The following YIF1A variants were observed in gnomAD, a reference collection of about 807,000 sequenced individuals.
YIF1A encodes protein YIF1A.
YIF1A carries 28 observed loss-of-function variants against 32.6 expected under a neutral mutation model. That is an observed-to-expected ratio of 0.86 (90% CI 0.64 to 1.18). YIF1A has a LOEUF of 1.18. Among genes scored for constraint, YIF1A ranks in the 50% most tolerant of loss-of-function variants. The pLI, the probability that YIF1A is intolerant of heterozygous loss-of-function variation, is 0.00. For synonymous variants in YIF1A, 175 were observed against 162.2 expected (o/e 1.08, Z -0.60); for missense variants, 373 against 390.8 (o/e 0.95, Z 0.38).
rs542910857 is a variant in YIF1A, at chr11:66,288,539, G to A, written c.32-247C>T. ...CGCCTAGAACTGGTTGCCCACTTGG[G>A]GTTTCTGAAGGCCTCTCACTGGAAG... On this transcript the variant is annotated intron_variant, in intron 1 of 7. Transcript: ENST00000376901. Among the ~76,000 whole-genome samples the A allele has an allele frequency of 1.6e-4, 25 of 152,366 alleles. 1 individual carries two copies. In the South Asian group the frequency reaches 4.1e-3, roughly 25 times the overall value.
rs759439307 is a variant in YIF1A at position 66,284,719 on chromosome 11, C to A, written c.800G>T (p.Arg267Leu). 1 of 1,612,552 alleles carries A rather than the reference C, an allele frequency of 6.2e-7. No individual in the cohort carries two copies. Among genetic ancestry groups the A allele is most frequent in the South Asian group, 1.1e-5 (1 of 91,084 alleles). ...TCCCAGAGTCAGGTAGAGCTGGAGA[C>A]GCTGCCGGGGGACGGGGCCCCCCAT... ...DSMGGPVPRQ[R>L]LQLYLTLGAA... Residue 267 changes from arginine to leucine, a missense_variant, in exon 8 of 8, where the codon CGT (arginine) becomes CTT (leucine). By Grantham distance (102) the Arg-to-Leu change is moderately radical. Coordinates refer to ENST00000376901, the MANE Select transcript of YIF1A (RefSeq NM_020470.3).
In YIF1A at chr11:66,289,021, G is replaced by A. The variant is rs781771607; in HGVS notation, c.-36C>T. ...CTCGCTGTCCCCGAGGGCCCGCTGCGCCGCCTCGTGGGTACGAATACTAAT... is the reference window on the plus strand; with the variant it reads ...CTCGCTGTCCCCGAGGGCCCGCTGCACCGCCTCGTGGGTACGAATACTAAT... On this transcript the variant is annotated 5_prime_UTR_variant, in exon 1 of 8. Coordinates refer to ENST00000376901, the MANE Select transcript of YIF1A (RefSeq NM_020470.3). The A allele has an allele frequency of 1.1e-5, 18 of 1,570,090 alleles. No homozygotes were observed. The South Asian group carries it at 1.5e-4, about 13-fold the overall frequency.
chr11:66,288,063 C>T lies in YIF1A; in HGVS notation c.243+18G>A. The T allele has an allele frequency of 6.2e-7, 1 of 1,611,840 alleles. No individual in the cohort carries two copies. Among genetic ancestry groups the T allele is most frequent in the Non-Finnish European group, 8.5e-7 (1 of 1,179,246 alleles). ...TAGCCAAAAATTCTGCCACCCGTGC[C>T]CCGGGGGCAGGCCACACCTCCTTGT... On this transcript the variant is annotated intron_variant, in intron 2 of 7. Coordinates refer to ENST00000376901, the MANE Select transcript of YIF1A (RefSeq NM_020470.3).
At chr11:66,285,827 G>A in intron 4 of YIF1A, 69 bp from the exon 5 acceptor site, 1 of 1,550,560 alleles carries the variant, frequency 6.4e-7, no homozygotes, top group South Asian at 1.1e-5. Context: ...AGGCATTCGG[G>A]TTCACCGACA....
At chr11:66,284,997 C>A in intron 6 of YIF1A, 31 bp from the exon 7 acceptor site, 5 of 1,610,046 alleles carry the variant, frequency 3.1e-6, no homozygotes, top group East Asian at 2.2e-5. Flanking sequence ...GGGTTGGTGA[C>A]CCCCAGGGGT....
At position 66,289,047 on chromosome 11, in the gene YIF1A, G is replaced by A. The variant is rs1857413282; in HGVS notation, c.-62C>T. 14 of 1,537,116 alleles carry A rather than the reference G, an allele frequency of 9.1e-6. No individual in the cohort carries two copies. Among genetic ancestry groups the A allele is most frequent in the South Asian group, 7.2e-5 (6 of 83,284 alleles). ...CCGCCTCGTGGGTACGAATACTAAT[G>A]AGGCAGCTGCTCCGCGCCCAGGGTA... On this transcript the variant is annotated 5_prime_UTR_variant, in exon 1 of 8. Coordinates refer to ENST00000376901, the MANE Select transcript of YIF1A (RefSeq NM_020470.3).
At position 66,289,129 on chromosome 11, in the gene YIF1A, C is replaced by T. The variant is rs971136694; in HGVS notation, c.-144G>A. The T allele has an allele frequency of 7.9e-7, 1 of 1,261,812 alleles. No homozygotes were observed. The highest frequency in any genetic ancestry group is 1.0e-6 in the Non-Finnish European group (1 of 967,306). The allele number at this position is 1,261,812 out of a possible 1,614,324, so 78.2% of individuals were successfully genotyped here. A position where few individuals can be genotyped will look rare whatever the true frequency, so the allele number is the denominator to read the frequency against. The stretch of plus-strand genomic sequence containing the variant: ...CCCCCACCCCGCCGGTCTCGGCCAC[C>T]ATGTCCGTGGCGTCATCCCCCGCGC... On this transcript the variant is annotated 5_prime_UTR_variant, in exon 1 of 8. An upstream start codon of the reference 5' UTR is lost. Coordinates refer to ENST00000376901, the MANE Select transcript of YIF1A (RefSeq NM_020470.3).
chr11:66,287,663 T>C lies in YIF1A; in HGVS notation c.362A>G (p.Gln121Arg), dbSNP rs772319662. ...GGGCAGAGGAGCATCACGACTGTAC[T>C]GCACTTCCCAGTTCTGGCAGTGGCA... ...FPYTHQNWEV[Q>R]YSRDAPLPPR... The change falls in exon 4 of 8, where the codon CAG becomes CGG. Residue 121 changes from glutamine to arginine, a missense_variant. Physicochemically the swap from Gln to Arg is conservative, Grantham distance 43 (BLOSUM62 1). Transcript: ENST00000376901. 9.3e-6 allele frequency: 15 copies of C among 1,611,264 alleles called. No individual in the cohort carries two copies. The East Asian group carries it at 1.6e-4, about 17-fold the overall frequency.
At chr11:66,288,852 C>T (rs942984723) in intron 1 of YIF1A, 103 bp downstream of exon 1, 2 of 1,313,124 alleles carry the variant, frequency 1.5e-6, no homozygotes, top group Middle Eastern at 2.7e-4. Context: ...GACACCCCCG[C>T]CCTGGGCGGC....
chr11:66,288,177 G>A lies in YIF1A; in HGVS notation c.147C>T (p.Phe49=). The change falls in exon 2 of 8, where the codon TTC becomes TTT. Residue 49 remains phenylalanine, a synonymous_variant. Coordinates refer to ENST00000376901, the MANE Select transcript of YIF1A (RefSeq NM_020470.3). ...GYPATGADVA[F]SVNHLLGDPM... ...GGTCCCCAAGCAAGTGGTTGACACTGAAGGCCACGTCTGCTCCTGTGGCTG... is the reference window on the plus strand; with the variant it reads ...GGTCCCCAAGCAAGTGGTTGACACTAAAGGCCACGTCTGCTCCTGTGGCTG... 1.9e-6 allele frequency: 3 copies of A among 1,614,172 alleles called. No individual in the cohort carries two copies. The highest frequency in any genetic ancestry group is 2.5e-6 in the Non-Finnish European group (3 of 1,180,044).
In YIF1A at chr11:66,285,617, G is replaced by T. The variant is rs766638690; in HGVS notation, c.486-81C>A. 36 of 1,609,984 alleles carry T rather than the reference G, an allele frequency of 2.2e-5. No individual in the cohort carries two copies. The East Asian group carries it at 6.5e-4, about 29-fold the overall frequency. Reference sequence around the variant, plus strand: ...GAGAGACTGGGGCAACAGAGGGTGAGCTGGGGACCACCACATATGCCCTAG... The same window carrying T: ...GAGAGACTGGGGCAACAGAGGGTGATCTGGGGACCACCACATATGCCCTAG... On this transcript the variant is annotated intron_variant, in intron 5 of 7. Coordinates refer to ENST00000376901, the MANE Select transcript of YIF1A (RefSeq NM_020470.3).
At chr11:66,287,570 C>T (rs764994591) in intron 4 of YIF1A, 28 bp downstream of exon 4, 5 of 1,598,220 alleles carry the variant, frequency 3.1e-6, no homozygotes, top group Middle Eastern at 1.7e-4. Flanking sequence ...CACCCCACCA[C>T]GTTCCCCAGC....
Position 66,287,839 on chromosome 11 carries a change from C to T in YIF1A, c.321G>A (p.Gly107=). The T allele has an allele frequency of 1.2e-6, 2 of 1,614,050 alleles. No individual in the cohort carries two copies. Among genetic ancestry groups the T allele is most frequent in the Non-Finnish European group, 1.7e-6 (2 of 1,180,006 alleles). The change falls in exon 3 of 8, where the codon GGG becomes GGA. Residue 107 remains glycine (G), a synonymous_variant. Transcript: ENST00000376901. ...GGTGTGTGTAGGGGAAGACCAGCAG[C>T]CCTAGCTTCTTGGCCACGTAGGCTG... ...VDTAYVAKKL[G]LLVFPYTHQN...
At position 66,288,216 on chromosome 11, in the gene YIF1A, C is replaced by A; in HGVS notation, c.108G>T (p.Gln36His). 2 of 1,614,116 alleles carry A rather than the reference C, an allele frequency of 1.2e-6. No homozygotes were observed. The change falls in exon 2 of 8, where the codon CAG becomes CAT. Residue 36 changes from glutamine to histidine, a missense_variant. Coordinates refer to ENST00000376901, the MANE Select transcript of YIF1A (RefSeq NM_020470.3). Reference sequence around the variant, plus strand: ...CTCCTGTGGCTGGGTATCCCCCGGGCTGGCTGGAATAACCACCGCTTGTGT... The same window carrying A: ...CTCCTGTGGCTGGGTATCCCCCGGGATGGCTGGAATAACCACCGCTTGTGT... Reference protein sequence around the residue: ...FDDTSGGYSSQPGGYPATGAD... With the variant: ...FDDTSGGYSSHPGGYPATGAD...
In YIF1A at chr11:66,284,909, C is replaced by T. The variant is rs764656087; in HGVS notation, c.699G>A (p.Ala233=). 17 of 1,613,184 alleles carry T rather than the reference C, an allele frequency of 1.1e-5. No homozygotes were observed. The highest frequency in any genetic ancestry group is 1.0e-4 in the Admixed American group (6 of 59,980). Residue 233 remains alanine (A), a synonymous_variant, in exon 7 of 8, where the codon GCG becomes GCA. Transcript: ENST00000376901. ...LLFGSDGYYV[A]LAWTSSALMY... is the part of the protein sequence containing the mutation. The stretch of plus-strand genomic sequence containing the variant: ...TGAGCGCCGATGAGGTCCAGGCCAG[C>T]GCCACGTAGTAGCCATCGCTGCCGA...
At chr11:66,286,628 AAAG>A (rs940596093) in intron 4 of YIF1A, among the ~76,000 whole-genome samples, 22 of 152,218 alleles carry the variant, frequency 1.4e-4, no homozygotes, top group Non-Finnish European at 7.3e-5. Flanking sequence ...CCCTGTCTCA[AAAG>A]AAGAAGAAAA....
chr11:66,285,031 C>A, intron 6 of YIF1A, 65 bp from the exon 7 acceptor site: 1 of 1,540,230 alleles, frequency 6.5e-7, no homozygotes. Context: ...TGGCCCTACC[C>A]CCAACGCCCA....
chr11:66,285,435 C>A lies in YIF1A; in HGVS notation c.587G>T (p.Arg196Leu). The change falls in exon 6 of 8, where the codon CGC becomes CTC. Residue 196 changes from arginine to leucine, a missense_variant. Transcript: ENST00000376901. ...CAGGTGAAAGGTGCTCAGGTCACTG[C>A]GCACGGTGGCCAGGTAGAGGCCCAG... The part of the protein sequence containing the change: ...LLLGLYLATV[R>L]SDLSTFHLLA... 6.2e-7 allele frequency: 1 copy of A among 1,613,382 alleles called. No homozygotes were observed. Among genetic ancestry groups the A allele is most frequent in the Non-Finnish European group, 8.5e-7 (1 of 1,180,018 alleles).
chr11:66,288,389 G>T, intron 1 of YIF1A, 97 bp from the exon 2 acceptor site: 2 of 1,457,578 alleles, frequency 1.4e-6, no homozygotes, highest in South Asian at 1.2e-5. Flanking sequence ...CACGGGTCCT[G>T]GAGGCACCGA....
Sources: allele counts gnomAD v4.1 joint callset (sites outside exome capture counted in the v4.1 genomes callset), GRCh38; gene constraint gnomAD v4.1.1; transcripts MANE v1.5; gene names NCBI Gene and HGNC (gene_info 2026-07-23, HGNC 2026-07-21).